Variants in MTF2 observed in about 807,000 individuals in gnomAD.
The protein encoded by MTF2 is metal response element binding transcription factor 2, also known as metal-response element-binding transcription factor 2.
A neutral mutation model predicts 79.5 loss-of-function variants in MTF2; 11 were observed. The ratio of observed to expected loss-of-function variants is 0.14; its 90% CI spans 0.09 to 0.23. The LOEUF (loss-of-function observed/expected upper bound fraction) is 0.23. Ranked by LOEUF, MTF2 falls within the 10% of genes least tolerant of loss-of-function variation. MTF2 has a pLI of 1.00. For synonymous variants in MTF2, 208 were observed against 232.8 expected, an observed-to-expected ratio of 0.89 and a Z score of 0.97; for missense variants, 486 against 711.2, an observed-to-expected ratio of 0.68 and a Z score of 3.60.
intron 9 of MTF2, among the ~76,000 whole-genome samples, chr1:93,125,103 A>T (rs560180846): frequency 6.6e-6 from 1 of 152,084 alleles, no homozygotes; most frequent in South Asian, 2.1e-4. Flanking sequence ...AGTAGAGTTC[A>T]TTGCGATCGT....
At position 93,130,946 on chromosome 1, in the gene MTF2, A is replaced by AACACAC. The variant is rs60658361; in HGVS notation, c.1160+1517_1160+1522dup. Among the ~76,000 whole-genome samples the AACACAC allele has an allele frequency of 2.4e-4, 35 of 148,896 alleles. 1 individual carries two copies. The highest frequency in any genetic ancestry group is 2.1e-4 in the South Asian group (1 of 4,684). On this transcript the variant is annotated intron_variant, in intron 11 of 14. Transcript: ENST00000370298. Reference sequence around the variant, plus strand: ...GAATTTGAGATTCTTATGAGGGACAAACACACACACACACACACACACACC... The same window carrying AACACAC: ...GAATTTGAGATTCTTATGAGGGACAAACACACACACACACACACACACACACACACC...
chr1:93,092,592 A>C (rs1462784883), intron 1 of MTF2, among the ~76,000 whole-genome samples: 2 of 152,072 alleles, frequency 1.3e-5, no homozygotes, highest in African/African-American at 4.8e-5. Flanking sequence ...AATTTTATAT[A>C]TTTTTTATAA....
At chr1:93,104,767 G>A (rs569412631) in intron 1 of MTF2, among the ~76,000 whole-genome samples, 24 of 151,798 alleles carry the variant, frequency 1.6e-4, no homozygotes, top group South Asian at 8.3e-4. Flanking sequence ...AAATATAGGC[G>A]TTTCTTGACT....
At position 93,110,319 on chromosome 1, in the gene MTF2, C is replaced by G; in HGVS notation, c.95C>G (p.Ser32Cys). ...ACCCCAACATCCTTGACCAAGCTGT[C>G]TTTACAGGATGGACATAAAGCCAAA... Reference protein sequence around the residue: ...QKTPTSLTKLSLQDGHKAKKP... With the variant: ...QKTPTSLTKLCLQDGHKAKKP... The change falls in exon 2 of 15, where the codon TCT (serine) becomes TGT (cysteine). Residue 32 changes from serine to cysteine, a missense_variant. Physicochemically the swap from Ser to Cys is moderately radical, Grantham distance 112. This residue lies in a region of MTF2 where 75 missense variants were observed against 83.8 expected (regional missense o/e 0.89). Coordinates refer to ENST00000370298, the MANE Select transcript of MTF2 (RefSeq NM_007358.4). 1 of 1,614,094 alleles carries G rather than the reference C, an allele frequency of 6.2e-7. No homozygotes were observed. The highest frequency in any genetic ancestry group is 8.5e-7 in the Non-Finnish European group (1 of 1,179,988).
chr1:93,121,551 A>C, intron 9 of MTF2: 1 of 983,206 alleles, frequency 1.0e-6, no homozygotes, highest in Non-Finnish European at 1.2e-6. Flanking sequence ...ATTTCATATC[A>C]AATAGGATAT....
chr1:93,110,196 A>G, intron 1 of MTF2, 34 bp from the exon 2 acceptor site: 1 of 1,578,870 alleles, frequency 6.3e-7, no homozygotes, highest in Non-Finnish European at 8.7e-7. Context: ...CTCTACAAGT[A>G]AGTCTTATGT....
At chr1:93,088,313 G>A (rs920247107) in intron 1 of MTF2, among the ~76,000 whole-genome samples, 5 of 151,988 alleles carry the variant, frequency 3.3e-5, no homozygotes, top group Non-Finnish European at 4.4e-5. Flanking sequence ...TATATTAGTG[G>A]CCTTGTTGGT....
chr1:93,080,781 G>A (rs901448684), intron 1 of MTF2, among the ~76,000 whole-genome samples: 1 of 65,312 alleles, frequency 1.5e-5, no homozygotes, highest in Non-Finnish European at 3.2e-5. Context: ...TTTTTTTTTT[G>A]TCAGTAAATT....
chr1:93,118,262 T>C (rs1432992776), intron 6 of MTF2, 83 bp from the exon 7 acceptor site: 2 of 13,970 alleles, frequency 1.4e-4, no homozygotes, highest in Non-Finnish European at 3.3e-4. Context: ...ATTAGGCCAC[T>C]TTTTTTTTTT....
Position 93,079,494 on chromosome 1 carries a change from G to A in MTF2, c.-33G>A, listed in dbSNP as rs765304202. 7 of 1,613,924 alleles carry A rather than the reference G, an allele frequency of 4.3e-6. No homozygotes were observed. The East Asian group carries it at 1.6e-4, about 36-fold the overall frequency. On this transcript the variant is annotated 5_prime_UTR_variant, in exon 1 of 15. Transcript: ENST00000370298. ...GGGGACGGATTGGTTGTTTTTTCCT[G>A]TATGAAGCGGTTGGCACCACTGAAG... is the stretch of plus-strand genomic sequence containing the variant.
At chr1:93,129,587 A>G in intron 11 of MTF2, 139 bp downstream of exon 11, 1 of 628,748 alleles carries the variant, frequency 1.6e-6, no homozygotes, top group Non-Finnish European at 2.4e-6. Context: ...TTGGTCTATC[A>G]TATCTTGCTT....
chr1:93,097,110 TA>T, intron 1 of MTF2, among the ~76,000 whole-genome samples: 1 of 152,274 alleles, frequency 6.6e-6, no homozygotes, highest in South Asian at 2.1e-4. Flanking sequence ...GCGCCTGGCC[TA>T]AAAGTATATG....
In MTF2 at chr1:93,131,363, T is replaced by C. The variant is rs116301517; in HGVS notation, c.1160+1915T>C. 2.6e-3 allele frequency among the ~76,000 whole-genome samples: 397 copies of C among 152,310 alleles called. 1 individual carries two copies. Among genetic ancestry groups the C allele is most frequent in the Non-Finnish European group, 4.5e-3 (303 of 68,024 alleles). ...ATTTATTGCATAAGGTATCATTTTGTTATTAGTGACCTTGATAAAAGGAAT... is the reference window on the plus strand; with the variant it reads ...ATTTATTGCATAAGGTATCATTTTGCTATTAGTGACCTTGATAAAAGGAAT... On this transcript the variant is annotated intron_variant, in intron 11 of 14. Transcript: ENST00000370298.
At position 93,101,572 on chromosome 1, in the gene MTF2, T is replaced by TTTTTTTTTTG. The variant is rs1655539642; in HGVS notation, c.6-8649_6-8648insGTTTTTTTTT. On this transcript the variant is annotated intron_variant, in intron 1 of 14. Coordinates refer to ENST00000370298, the MANE Select transcript of MTF2 (RefSeq NM_007358.4). ...CTTGCCATGTTGCTCAGGCTGGTTT[T>TTTTTTTTTTG]TTTTTTTTTTTTTTTTTTTTTTTTT... Among the ~76,000 whole-genome samples the TTTTTTTTTTG allele has an allele frequency of 4.7e-5, 4 of 85,682 alleles. 1 individual carries two copies. Among genetic ancestry groups the TTTTTTTTTTG allele is most frequent in the Non-Finnish European group, 9.0e-5 (4 of 44,542 alleles). The allele number at this position is 85,682 out of a possible 152,430, so 56.2% of individuals were successfully genotyped here.
intron 1 of MTF2, among the ~76,000 whole-genome samples, chr1:93,083,319 A>C (rs1008528965): frequency 3.9e-5 from 6 of 152,210 alleles, no homozygotes; most frequent in Admixed American, 2.6e-4. Context: ...TTGACGGAAT[A>C]TTTGGGCGGG....
chr1:93,089,633 C>T (rs779601162), intron 1 of MTF2, among the ~76,000 whole-genome samples: 2 of 152,102 alleles, frequency 1.3e-5, no homozygotes, highest in South Asian at 2.1e-4. Flanking sequence ...ATCACGGTAG[C>T]GTTTGAACTC....
chr1:93,129,558 ATTTTT>A (rs200494793), intron 11 of MTF2, 110 bp downstream of exon 11: 236 of 447,306 alleles, frequency 5.3e-4, no homozygotes, highest in South Asian at 9.0e-4. Flanking sequence ...AGTTACTCTG[ATTTTT>A]TTTTTTTTTT....
chr1:93,095,448 C>T (rs752426519), intron 1 of MTF2, among the ~76,000 whole-genome samples: 17 of 152,102 alleles, frequency 1.1e-4, no homozygotes, highest in Non-Finnish European at 2.2e-4. Context: ...TCAAGCGATT[C>T]TCCTGCCTCA....
At chr1:93,084,631 C>T (rs1654760022) in intron 1 of MTF2, among the ~76,000 whole-genome samples, 1 of 152,078 alleles carries the variant, frequency 6.6e-6, no homozygotes, top group African/African-American at 2.4e-5. Flanking sequence ...GATGCCTTTC[C>T]AGTTATATAG....
Sources: allele counts gnomAD v4.1 joint callset (sites outside exome capture counted in the v4.1 genomes callset), GRCh38; gene constraint gnomAD v4.1.1; regional missense constraint gnomAD v4.1.1; transcripts MANE v1.5; gene names NCBI Gene and HGNC (gene_info 2026-07-23, HGNC 2026-07-21).